Variants in NINJ2 observed in about 807,000 individuals in gnomAD.
The protein encoded by NINJ2 is ninjurin 2.
A neutral mutation model predicts 11.7 loss-of-function variants in NINJ2; 12 were observed. That is an observed-to-expected ratio of 1.02 (90% CI 0.66 to 1.66). NINJ2 has a LOEUF of 1.66. Among genes scored for constraint, NINJ2 ranks in the 40% most tolerant of loss-of-function variants. The probability of loss-of-function intolerance (pLI) is 0.00; values close to 1 mark genes in which losing one functional copy is unlikely to be tolerated. For missense variants in NINJ2, 187 were observed against 181.8 expected, an observed-to-expected ratio of 1.03 and a Z score of -0.16; for synonymous variants, 93 against 76.8, an observed-to-expected ratio of 1.21 and a Z score of -1.10.
chr12:635,934 G>A (rs771130399), intron 1 of NINJ2, among the ~76,000 whole-genome samples: 76 of 152,024 alleles, frequency 5.0e-4, no homozygotes, highest in Non-Finnish European at 2.2e-4. Context: ...AAAATTAGCC[G>A]AGCATGGTGG....
At chr12:572,317 A>G (rs961903055) in intron 1 of NINJ2, among the ~76,000 whole-genome samples, 6 of 152,218 alleles carry the variant, frequency 3.9e-5, no homozygotes, top group African/African-American at 1.4e-4. Context: ...GCCAGCGCAC[A>G]GTCAGGGCTA....
intron 1 of NINJ2, among the ~76,000 whole-genome samples, chr12:638,313 C>T (rs1344816699): frequency 1.3e-5 from 2 of 152,236 alleles, no homozygotes; most frequent in Non-Finnish European, 2.9e-5. Flanking sequence ...GTTCCAGGAG[C>T]CAGGCCCATC....
chr12:626,823 C>G (rs11063942), intron 1 of NINJ2, among the ~76,000 whole-genome samples: 4 of 152,084 alleles, frequency 2.6e-5, no homozygotes, highest in African/African-American at 9.7e-5. Flanking sequence ...CTGTAGCTTG[C>G]GCCTATAATC....
intron 1 of NINJ2, among the ~76,000 whole-genome samples, chr12:575,185 C>T (rs1272136718): frequency 2.0e-5 from 3 of 152,200 alleles, no homozygotes; most frequent in African/African-American, 4.8e-5. Flanking sequence ...GCCTTCGAGC[C>T]GCCTGCAGGA....
At chr12:636,213 C>A (rs532709176) in intron 1 of NINJ2, among the ~76,000 whole-genome samples, 4 of 148,976 alleles carry the variant, frequency 2.7e-5, no homozygotes, top group Non-Finnish European at 5.9e-5. Flanking sequence ...CCCGTCTCTA[C>A]TAAAAACACA....
rs1191391738 is a variant in NINJ2, at chr12:649,032, A to ATCTATCTATCTC, written c.33+14295_33+14296insGAGATAGATAGA. On this transcript the variant is annotated intron_variant, in intron 1 of 3. Transcript: ENST00000305108. ...TATCTATCTATCTATCTATCTATCT[A>ATCTATCTATCTC]TCTCAAGTGATTTTATCTTTTTCTT... Among the ~76,000 whole-genome samples the ATCTATCTATCTC allele has an allele frequency of 5.0e-4, 74 of 149,302 alleles. 2 individuals are homozygous for ATCTATCTATCTC. The highest frequency in any genetic ancestry group is 1.8e-3 in the African/African-American group (73 of 40,092).
intron 1 of NINJ2, chr12:644,781 A>G (rs1236890247): frequency 2.0e-5 from 3 of 152,228 alleles, no homozygotes; most frequent in Non-Finnish European, 4.4e-5. Flanking sequence ...TTTACATGAT[A>G]GAATTCATAT....
chr12:630,361 TTTTTGTTTTG>T (rs369527198), intron 1 of NINJ2, among the ~76,000 whole-genome samples: 12 of 151,828 alleles, frequency 7.9e-5, no homozygotes, highest in Non-Finnish European at 1.0e-4. Flanking sequence ...TTTTCTTGGT[TTTTTGTTTTG>T]TTTTGTTTTG....
At chr12:594,195 A>C (rs568544392) in intron 1 of NINJ2, among the ~76,000 whole-genome samples, 38 of 151,732 alleles carry the variant, frequency 2.5e-4, no homozygotes, top group African/African-American at 9.2e-4. Flanking sequence ...GAAAATAATA[A>C]AGAAAATCGA....
chr12:651,499 A>G (rs568033144), intron 1 of NINJ2, among the ~76,000 whole-genome samples: 1 of 152,300 alleles, frequency 6.6e-6, no homozygotes, highest in East Asian at 1.9e-4. Flanking sequence ...TTTTACCACC[A>G]CATACTAAGG....
rs1295459886 is a variant in NINJ2, at chr12:585,095, GGAGACAGAGC to G, written c.34-18927_34-18918del. Among the ~76,000 whole-genome samples, 1 of 152,256 alleles carries G rather than the reference GGAGACAGAGC, an allele frequency of 6.6e-6. No homozygotes were observed. Among genetic ancestry groups the G allele is most frequent in the African/African-American group, 2.4e-5 (1 of 41,468 alleles). ...GATCGCGCCACTGCGCTCCAGCCTG[GGAGACAGAGC>G]GAGACTCCGTCTCAATAAACACATA... On this transcript the variant is annotated intron_variant, in intron 1 of 3. Transcript: ENST00000305108. The surrounding 1 kb of genome is among the most constrained non-coding windows in gnomAD (Gnocchi z 4.1).
intron 1 of NINJ2, among the ~76,000 whole-genome samples, chr12:638,190 G>A (rs575575314): frequency 6.6e-6 from 1 of 152,198 alleles, no homozygotes; most frequent in African/African-American, 2.4e-5. Flanking sequence ...ACACCTGTGT[G>A]CTCCTGTGTT....
rs1453848936 is a variant in NINJ2, at chr12:614,969, C to T, written c.33+48359G>A. Among the ~76,000 whole-genome samples, 1 of 152,164 alleles carries T rather than the reference C, an allele frequency of 6.6e-6. No individual in the cohort carries two copies. The highest frequency in any genetic ancestry group is 1.5e-5 in the Non-Finnish European group (1 of 68,030). The stretch of plus-strand genomic sequence containing the variant: ...TGAGGTCTTAACTGCTTCCATTTAG[C>T]GCACAAGCCCACGTCCCTGACACCA... On this transcript the variant is annotated intron_variant, in intron 1 of 3. Coordinates refer to ENST00000305108, the MANE Select transcript of NINJ2 (RefSeq NM_016533.6). This position sits in a 1 kb window ranked among gnomAD's most constrained non-coding sequence, Gnocchi z 5.1.
intron 1 of NINJ2, among the ~76,000 whole-genome samples, chr12:573,475 A>T (rs983280943): frequency 6.6e-6 from 1 of 152,076 alleles, no homozygotes; most frequent in African/African-American, 2.4e-5. Flanking sequence ...GCTATTTAGG[A>T]GGCTGAGACA....
In NINJ2 at chr12:602,059, C is replaced by T. The variant is rs927622052; in HGVS notation, c.34-35881G>A. On this transcript the variant is annotated intron_variant, in intron 1 of 3. Coordinates refer to ENST00000305108, the MANE Select transcript of NINJ2 (RefSeq NM_016533.6). ...TTAAGAACAGCTGTGTCACTTCAGACGCAATGTCCCGTGTGGTGATGACTG... is the reference window on the plus strand; with the variant it reads ...TTAAGAACAGCTGTGTCACTTCAGATGCAATGTCCCGTGTGGTGATGACTG... Among the ~76,000 whole-genome samples the T allele has an allele frequency of 3.9e-5, 6 of 152,236 alleles. No individual in the cohort carries two copies. In the East Asian group the frequency reaches 7.7e-4, roughly 20 times the overall value.
chr12:620,617 A>AGTTTGTTTGTTT lies in NINJ2; in HGVS notation c.33+42699_33+42710dup, dbSNP rs10660948. Among the ~76,000 whole-genome samples the AGTTTGTTTGTTT allele has an allele frequency of 1.7e-3, 261 of 151,282 alleles. 1 individual carries two copies. Among genetic ancestry groups the AGTTTGTTTGTTT allele is most frequent in the Admixed American group, 3.8e-3 (57 of 15,184 alleles). On this transcript the variant is annotated intron_variant, in intron 1 of 3. Transcript: ENST00000305108. ...TGGAAGGATCCAAAAGTGGTTTTGA[A>AGTTTGTTTGTTT]GTTTGTTTGTTTGTTTGTTTGTTTG...
At position 581,147 on chromosome 12, in the gene NINJ2, G is replaced by A. The variant is rs982761293; in HGVS notation, c.34-14969C>T. ...CGTGTCTCTGTGCCTCTGTGTGTGT[G>A]TGCATGTGTCTCTGTGTGTGTGTGT... On this transcript the variant is annotated intron_variant, in intron 1 of 3. Transcript: ENST00000305108. This position sits in a 1 kb window ranked among gnomAD's most constrained non-coding sequence, Gnocchi z 4.9. Among the ~76,000 whole-genome samples the A allele has an allele frequency of 6.6e-6, 1 of 151,028 alleles. No individual in the cohort carries two copies. The highest frequency in any genetic ancestry group is 1.5e-5 in the Non-Finnish European group (1 of 67,728).
intron 1 of NINJ2, among the ~76,000 whole-genome samples, chr12:593,575 C>T (rs1416575116): frequency 3.3e-5 from 5 of 152,168 alleles, no homozygotes; most frequent in East Asian, 1.9e-4. Context: ...ATTAGCCAGG[C>T]GTGGTGGTGC....
intron 1 of NINJ2, among the ~76,000 whole-genome samples, chr12:600,656 GTGTGT>G (rs1947854707): frequency 5.3e-4 from 9 of 16,886 alleles, no homozygotes; most frequent in African/African-American, 8.8e-4. Context: ...TTTTTGGGGT[GTGTGT>G]GTGTGTGTGT....
Sources: allele counts gnomAD v4.1 joint callset (sites outside exome capture counted in the v4.1 genomes callset), GRCh38; gene constraint gnomAD v4.1.1; non-coding constraint Gnocchi (gnomAD v3.1); transcripts MANE v1.5; gene names NCBI Gene and HGNC (gene_info 2026-07-23, HGNC 2026-07-21).